CWF19L2: variants seen among roughly 807,000 people sequenced by gnomAD.
CWF19L2 encodes CWF19 like cell cycle control factor 2.
A neutral mutation model predicts 111.7 loss-of-function variants in CWF19L2; 98 were observed. The observed-to-expected ratio is 0.88, with a 90% CI of 0.75 to 1.04. CWF19L2 has a LOEUF of 1.04. Among genes scored for constraint, CWF19L2 ranks in the 50% least tolerant of loss-of-function variants. The probability of loss-of-function intolerance (pLI) is 0.00; values close to 1 mark genes in which losing one functional copy is unlikely to be tolerated. For missense variants in CWF19L2, 1,101 were observed against 1,051.4 expected, an observed-to-expected ratio of 1.05 and a Z score of -0.65; for synonymous variants, 351 against 342.9, an observed-to-expected ratio of 1.02 and a Z score of -0.26.
intron 12 of CWF19L2, among the ~76,000 whole-genome samples, chr11:107,361,178 C>T (rs1386649897): frequency 2.0e-5 from 3 of 152,184 alleles, no homozygotes; most frequent in Non-Finnish European, 4.4e-5. Flanking sequence ...ATAGGGCAAA[C>T]CAATTTTCCC....
intron 10 of CWF19L2, among the ~76,000 whole-genome samples, chr11:107,415,583 T>C (rs1160292960): frequency 2.6e-5 from 4 of 152,196 alleles, no homozygotes; most frequent in Non-Finnish European, 5.9e-5. Context: ...TCTCTCATTC[T>C]GAAGGAGACA....
chr11:107,365,071 T>A (rs1244297186), intron 12 of CWF19L2, among the ~76,000 whole-genome samples: 6 of 124,566 alleles, frequency 4.8e-5, no homozygotes, highest in Non-Finnish European at 9.9e-5. Context: ...CTAGAAAATC[T>A]AGAAGAAATG....
chr11:107,374,129 C>A (rs1214660369), intron 12 of CWF19L2, among the ~76,000 whole-genome samples: 2 of 134,380 alleles, frequency 1.5e-5, no homozygotes, highest in Admixed American at 1.4e-4. Flanking sequence ...GTGAAAAGAC[C>A]AAATCTACGT....
At chr11:107,380,340 T>C (rs1252437038) in intron 12 of CWF19L2, among the ~76,000 whole-genome samples, 1 of 152,192 alleles carries the variant, frequency 6.6e-6, no homozygotes, top group Non-Finnish European at 1.5e-5. Flanking sequence ...TGGAAATAGA[T>C]GAATTCATTG....
intron 10 of CWF19L2, among the ~76,000 whole-genome samples, chr11:107,402,275 G>C (rs1861011925): frequency 6.6e-6 from 1 of 151,898 alleles, no homozygotes; most frequent in Non-Finnish European, 1.5e-5. Context: ...AAAAGGAACA[G>C]TCAGCAAAGT....
At chr11:107,438,009 G>C (rs986399139) in intron 6 of CWF19L2, among the ~76,000 whole-genome samples, 1 of 150,254 alleles carries the variant, frequency 6.7e-6, no homozygotes, top group Non-Finnish European at 1.5e-5. Context: ...GAAGTTGAAA[G>C]AAAAAAAAAG....
intron 12 of CWF19L2, among the ~76,000 whole-genome samples, chr11:107,382,190 G>A (rs1370585919): frequency 6.6e-6 from 1 of 152,154 alleles, no homozygotes; most frequent in African/African-American, 2.4e-5. Context: ...TGTATTTTAA[G>A]AAAGAGCAAA....
intron 13 of CWF19L2, among the ~76,000 whole-genome samples, chr11:107,352,363 TGAG>T (rs1208089356): frequency 6.6e-6 from 1 of 152,120 alleles, no homozygotes; most frequent in Non-Finnish European, 1.5e-5. Context: ...GTAAGCAACT[TGAG>T]GAGGTTTTAG....
chr11:107,446,336 C>T (rs975698629), intron 3 of CWF19L2, among the ~76,000 whole-genome samples: 1 of 152,230 alleles, frequency 6.6e-6, no homozygotes, highest in Non-Finnish European at 1.5e-5. Flanking sequence ...TACTCACACT[C>T]ATATTATCTC....
At chr11:107,437,109 T>C (rs1022760230) in intron 6 of CWF19L2, among the ~76,000 whole-genome samples, 3 of 152,192 alleles carry the variant, frequency 2.0e-5, no homozygotes, top group African/African-American at 7.2e-5. Flanking sequence ...CAAAAACCTG[T>C]TGATAAAACC....
chr11:107,339,638 C>A (rs1025235365), intron 14 of CWF19L2, among the ~76,000 whole-genome samples: 2 of 149,674 alleles, frequency 1.3e-5, no homozygotes, highest in African/African-American at 4.9e-5. Flanking sequence ...TCCTCTTCAG[C>A]AAAATGTTTC....
intron 8 of CWF19L2, among the ~76,000 whole-genome samples, chr11:107,418,505 G>A (rs1050337007): frequency 6.6e-6 from 1 of 152,046 alleles, no homozygotes; most frequent in Admixed American, 6.6e-5. Flanking sequence ...TATAATAACT[G>A]ATCAAAATCC....
intron 14 of CWF19L2, 79 bp from the exon 15 acceptor site, chr11:107,336,792 T>G: frequency 1.3e-6 from 1 of 788,964 alleles, no homozygotes; most frequent in East Asian, 3.0e-5. Flanking sequence ...ATTTGAAATA[T>G]GAAAACTTTA....
At chr11:107,443,142 AG>A in intron 3 of CWF19L2, 93 bp from the exon 4 acceptor site, 2 of 853,942 alleles carry the variant, frequency 2.3e-6, no homozygotes, top group Non-Finnish European at 3.8e-6. Flanking sequence ...TCAACATCGT[AG>A]AAAAAAATTC....
At position 107,454,581 on chromosome 11, in the gene CWF19L2, A is replaced by G; in HGVS notation, c.217-9T>C. On this transcript the variant is annotated splice_polypyrimidine_tract_variant and intron_variant, in intron 2 of 17. Transcript: ENST00000282251. ...TTCTTCACAGAGTGTTCCTACAATC[A>G]TTTTGAACAGGCAAGAAAATAATTT... is the stretch of plus-strand genomic sequence containing the variant. The G allele has an allele frequency of 7.4e-7, 1 of 1,352,486 alleles. No individual in the cohort carries two copies. Among genetic ancestry groups the G allele is most frequent in the South Asian group, 2.0e-5 (1 of 49,890 alleles). 83.8% of individuals were successfully genotyped at this position (1,352,486 alleles called of 1,614,324 possible).
chr11:107,349,027 C>A lies in CWF19L2; in HGVS notation c.2112G>T (p.Arg704=), dbSNP rs923452516. The A allele has an allele frequency of 6.2e-7, 1 of 1,606,618 alleles. No individual in the cohort carries two copies. The highest frequency in any genetic ancestry group is 1.3e-5 in the African/African-American group (1 of 74,654). ...VKVYLCLPNV[R]SLTEGHCLIV... ...TCAGGCAGTGCCCCTCAGTAAGAGA[C>A]CGTACGTTGGGTAAACATAAATAAA... Residue 704 remains arginine (R), a synonymous_variant, in exon 14 of 18, where the codon CGG becomes CGT. Transcript: ENST00000282251.
intron 1 of CWF19L2, 43 bp downstream of exon 1, chr11:107,457,668 TC>T (rs1429186964): frequency 4.2e-6 from 6 of 1,431,632 alleles, no homozygotes; most frequent in African/African-American, 2.8e-5. Flanking sequence ...AACCCTCAAC[TC>T]CCACAACAAT....
At chr11:107,441,951 G>C (rs1160830271) in intron 4 of CWF19L2, among the ~76,000 whole-genome samples, 1 of 152,130 alleles carries the variant, frequency 6.6e-6, no homozygotes, top group Admixed American at 6.5e-5. Context: ...CTTCACCTGT[G>C]GCTAACAGTG....
At chr11:107,439,792 C>G (rs1861595323) in intron 5 of CWF19L2, among the ~76,000 whole-genome samples, 1 of 152,136 alleles carries the variant, frequency 6.6e-6, no homozygotes, top group African/African-American at 2.4e-5. Flanking sequence ...GTAGAATAAT[C>G]AGGGACTGGG....
Sources: allele counts gnomAD v4.1 joint callset (sites outside exome capture counted in the v4.1 genomes callset), GRCh38; gene constraint gnomAD v4.1.1; transcripts MANE v1.5; gene names NCBI Gene and HGNC (gene_info 2026-07-23, HGNC 2026-07-21).